Variants in FGF14 observed in about 807,000 individuals in gnomAD.
FGF14 encodes fibroblast growth factor 14.
Under a neutral mutation model 25.5 loss-of-function variants are expected in FGF14, and 5 were observed. The ratio of observed to expected loss-of-function variants is 0.20; its 90% CI spans 0.10 to 0.41. The LOEUF is 0.41. Among genes scored for constraint, FGF14 ranks in the 10% least tolerant of loss-of-function variants. The pLI is 1.00. For missense variants in FGF14, 222 were observed against 320.1 expected (o/e 0.69, Z 2.34); for synonymous variants, 138 against 118.3 (o/e 1.17, Z -1.08).
chr13:102,322,395 C>T (rs567214507), intron 1 of FGF14, among the ~76,000 whole-genome samples: 1 of 151,966 alleles, frequency 6.6e-6, no homozygotes, highest in South Asian at 2.1e-4. Context: ...CTGTCTGTCA[C>T]AATGCCAATG....
At position 102,229,494 on chromosome 13, in the gene FGF14, C is replaced by T. The variant is rs112039827; in HGVS notation, c.208+171977G>A. Among the ~76,000 whole-genome samples, 592 of 152,234 alleles carry T rather than the reference C, an allele frequency of 3.9e-3. 6 individuals are homozygous for T. The highest frequency in any genetic ancestry group is 0.014 in the African/African-American group (575 of 41,530). ...CCATTATTCTTTCCACTATTTCTTG[C>T]TACTGGTAAGGGTAGGTATAAAAGA... On this transcript the variant is annotated intron_variant, in intron 1 of 4. Transcript: ENST00000376131.
chr13:102,184,850 T>C (rs764083719), intron 1 of FGF14, among the ~76,000 whole-genome samples: 6 of 152,156 alleles, frequency 3.9e-5, no homozygotes, highest in Non-Finnish European at 7.3e-5. Context: ...GAAACTACCA[T>C]ATGCCAAAAT....
At chr13:101,931,923 T>C (rs2034777740) in intron 1 of FGF14, among the ~76,000 whole-genome samples, 1 of 152,232 alleles carries the variant, frequency 6.6e-6, no homozygotes, top group Non-Finnish European at 1.5e-5. Context: ...CCTATTGGAA[T>C]CAAATAGGAC....
intron 1 of FGF14, among the ~76,000 whole-genome samples, chr13:102,207,228 C>T (rs1338623712): frequency 4.0e-5 from 6 of 151,428 alleles, no homozygotes; most frequent in South Asian, 2.1e-4. Flanking sequence ...TGCAGTGAGC[C>T]GAGATCATGC....
At chr13:101,723,067 T>A in intron 4 of FGF14, 100 bp from the exon 5 acceptor site, 1 of 1,440,226 alleles carries the variant, frequency 6.9e-7, no homozygotes, top group East Asian at 2.3e-5. Flanking sequence ...TTTGCCCATT[T>A]CTGTTTTCCC....
chr13:102,127,503 A>T (rs999468305), intron 1 of FGF14, among the ~76,000 whole-genome samples: 2 of 152,212 alleles, frequency 1.3e-5, no homozygotes, highest in Non-Finnish European at 2.9e-5. Context: ...CTTATTCTGT[A>T]AGAGTTATCT....
intron 1 of FGF14, among the ~76,000 whole-genome samples, chr13:101,906,096 T>C (rs1308013470): frequency 2.6e-5 from 4 of 152,176 alleles, no homozygotes; most frequent in Non-Finnish European, 5.9e-5. Context: ...CTACCTAGCA[T>C]AGATTTGTAC....
intron 1 of FGF14, among the ~76,000 whole-genome samples, chr13:102,155,608 A>G (rs1401665904): frequency 1.3e-5 from 2 of 151,880 alleles, no homozygotes; most frequent in South Asian, 2.1e-4. Context: ...AAGAACTAGA[A>G]AAGCAAGAGC....
At chr13:102,040,268 T>C (rs1005354798) in intron 1 of FGF14, among the ~76,000 whole-genome samples, 9 of 152,194 alleles carry the variant, frequency 5.9e-5, no homozygotes, top group African/African-American at 1.7e-4. Context: ...TGATCAAGTA[T>C]TTCTTCCTTA....
chr13:102,252,607 A>T, intron 1 of FGF14, among the ~76,000 whole-genome samples: 1 of 152,140 alleles, frequency 6.6e-6, no homozygotes, highest in Admixed American at 6.6e-5. Context: ...AATGCTATGT[A>T]AATAGCTGTT....
chr13:101,714,665 A>G lies in FGF14; in HGVS notation c.*8166T>C, dbSNP rs191473135. ...ACCAACAGGGCCAACCGTGAATATGAAATATCTACCAAAGGCGAAGTGGGC... is the reference window on the plus strand; with the variant it reads ...ACCAACAGGGCCAACCGTGAATATGGAATATCTACCAAAGGCGAAGTGGGC... On this transcript the variant is annotated 3_prime_UTR_variant, in exon 5 of 5. Coordinates refer to ENST00000376143, the MANE Select transcript of FGF14 (RefSeq NM_004115.4). The G allele has an allele frequency of 2.7e-3, 1,842 of 692,382 alleles. 63 individuals are homozygous for G. In the Admixed American group the frequency reaches 0.037, roughly 14 times the overall value. The allele number at this position is 692,382 out of a possible 1,614,324, so 42.9% of individuals were successfully genotyped here.
intron 1 of FGF14, among the ~76,000 whole-genome samples, chr13:102,257,665 C>G (rs2052518029): frequency 6.6e-6 from 1 of 152,036 alleles, no homozygotes; most frequent in Middle Eastern, 3.2e-3. Context: ...AATAGAGTCC[C>G]CAACTACCCA....
At chr13:102,093,040 C>CAT (rs1186421143) in intron 1 of FGF14, among the ~76,000 whole-genome samples, 4 of 152,050 alleles carry the variant, frequency 2.6e-5, no homozygotes, top group Non-Finnish European at 5.9e-5. Flanking sequence ...GGTGTGGACA[C>CAT]ATATATATAC....
At chr13:101,865,418 G>A (rs923164752) in intron 3 of FGF14, among the ~76,000 whole-genome samples, 5 of 152,102 alleles carry the variant, frequency 3.3e-5, no homozygotes, top group East Asian at 1.9e-4. Flanking sequence ...TCTATTCTGC[G>A]TCCTTGTAGC....
chr13:102,045,219 C>T (rs1366098408), intron 1 of FGF14, among the ~76,000 whole-genome samples: 1 of 151,782 alleles, frequency 6.6e-6, no homozygotes, highest in African/African-American at 2.4e-5. Context: ...TATGTCACAT[C>T]AGCTAAATAT....
At chr13:102,376,383 T>C (rs1420075817) in intron 1 of FGF14, among the ~76,000 whole-genome samples, 1 of 152,192 alleles carries the variant, frequency 6.6e-6, no homozygotes, top group Non-Finnish European at 1.5e-5. Context: ...CTTTATAAAT[T>C]ACCCAGTCTC....
At chr13:102,032,931 C>T (rs550251984) in intron 1 of FGF14, among the ~76,000 whole-genome samples, 1 of 152,218 alleles carries the variant, frequency 6.6e-6, no homozygotes, top group African/African-American at 2.4e-5. Context: ...GGAACAATGA[C>T]AAGGAGCTCA....
At chr13:101,977,346 AT>A (rs200977914) in intron 1 of FGF14, among the ~76,000 whole-genome samples, 4,667 of 152,140 alleles carry the variant, frequency 0.031, 234 homozygotes, top group African/African-American at 0.1. Context: ...AAAAAAAATG[AT>A]TTTTTCCTGA....
At chr13:102,207,565 A>G (rs1049675601) in intron 1 of FGF14, among the ~76,000 whole-genome samples, 23 of 150,938 alleles carry the variant, frequency 1.5e-4, no homozygotes, top group African/African-American at 5.4e-4. Context: ...AAAAAATAAC[A>G]ATGACATTTT....
Sources: allele counts gnomAD v4.1 joint callset (sites outside exome capture counted in the v4.1 genomes callset), GRCh38; gene constraint gnomAD v4.1.1; transcripts MANE v1.5; gene names NCBI Gene and HGNC (gene_info 2026-07-23, HGNC 2026-07-21).